The following CACNB4 variants were observed in gnomAD, a reference collection of about 807,000 sequenced individuals.
CACNB4 encodes voltage-dependent L-type calcium channel subunit beta-4.
CACNB4 carries 32 observed loss-of-function variants against 71.2 expected under a neutral mutation model. That is an observed-to-expected ratio of 0.45 (90% CI 0.34 to 0.60). The LOEUF (loss-of-function observed/expected upper bound fraction) is 0.60. Among genes scored for constraint, CACNB4 ranks in the 20% least tolerant of loss-of-function variants. The probability of loss-of-function intolerance (pLI) is 0.01; values close to 1 mark genes in which losing one functional copy is unlikely to be tolerated. For missense variants in CACNB4, 464 were observed against 647.9 expected (o/e 0.72, Z 3.08); for synonymous variants, 231 against 236.9 (o/e 0.97, Z 0.23).
At chr2:152,022,157 C>T (rs2105131866) in intron 2 of CACNB4, among the ~76,000 whole-genome samples, 1 of 152,306 alleles carries the variant, frequency 6.6e-6, no homozygotes, top group Non-Finnish European at 1.5e-5. Context: ...ACTTGCATCT[C>T]TCCCCTTCAA....
rs145139166 is a variant in CACNB4 at position 151,999,015 on chromosome 2, T to C, written c.147+99315A>G. Among the ~76,000 whole-genome samples, 693 of 152,340 alleles carry C rather than the reference T, an allele frequency of 4.5e-3. 8 individuals are homozygous for C. Among genetic ancestry groups the C allele is most frequent in the African/African-American group, 0.016 (666 of 41,562 alleles). ...AATGTAGGGACTCACACCCCGGGGC[T>C]GAGCCTGAATTTTATTTGGAGAACA... On this transcript the variant is annotated intron_variant, in intron 2 of 13. Transcript: ENST00000539935.
At chr2:151,920,318 CTTTTTTTT>C (rs10574154) in intron 2 of CACNB4, among the ~76,000 whole-genome samples, 18 of 66,092 alleles carry the variant, frequency 2.7e-4, no homozygotes, top group Non-Finnish European at 4.6e-4. Flanking sequence ...TCTTCTTCTT[CTTTTTTTT>C]TTTTTTTTTT....
At chr2:152,054,829 G>A (rs1257672476) in intron 2 of CACNB4, among the ~76,000 whole-genome samples, 1 of 152,036 alleles carries the variant, frequency 6.6e-6, no homozygotes, top group African/African-American at 2.4e-5. Context: ...CTAATGATAC[G>A]GAGCACTTTT....
chr2:151,938,894 G>C (rs548707750), intron 2 of CACNB4, among the ~76,000 whole-genome samples: 1 of 152,336 alleles, frequency 6.6e-6, no homozygotes, highest in African/African-American at 2.4e-5. Context: ...CTGTTGAAAG[G>C]AGAGATGGAT....
intron 2 of CACNB4, among the ~76,000 whole-genome samples, chr2:152,054,516 C>T (rs986531411): frequency 3.3e-5 from 5 of 151,988 alleles, no homozygotes; most frequent in African/African-American, 1.2e-4. Context: ...TTGTCTATTA[C>T]GAATAATGCT....
chr2:151,928,057 A>G lies in CACNB4; in HGVS notation c.148-44687T>C, dbSNP rs969787332. Among the ~76,000 whole-genome samples, 13 of 152,352 alleles carry G rather than the reference A, an allele frequency of 8.5e-5. No homozygotes were observed. In the East Asian group the frequency reaches 2.5e-3, roughly 29 times the overall value. ...AGCAGAACCAGCAGCAGACTTGGCC[A>G]TGTGAAGGGCTGCACATCAGAGAGA... On this transcript the variant is annotated intron_variant, in intron 2 of 13. Coordinates refer to ENST00000539935, the MANE Select transcript of CACNB4 (RefSeq NM_000726.5).
chr2:151,946,972 C>T (rs1455473333), intron 2 of CACNB4, among the ~76,000 whole-genome samples: 1 of 152,148 alleles, frequency 6.6e-6, no homozygotes, highest in Non-Finnish European at 1.5e-5. Context: ...TGCCATAAAT[C>T]CTGGTGTGAC....
chr2:151,894,820 T>C (rs2099851602), intron 2 of CACNB4, among the ~76,000 whole-genome samples: 1 of 151,630 alleles, frequency 6.6e-6, no homozygotes, highest in African/African-American at 2.4e-5. Context: ...AGTTACAAGA[T>C]AATAATAATA....
chr2:151,838,276 C>A lies in CACNB4; in HGVS notation c.*843G>T, dbSNP rs956263679. 6.6e-6 allele frequency: 1 copy of A among 152,580 alleles called. No homozygotes were observed. Among genetic ancestry groups the A allele is most frequent in the East Asian group, 1.9e-4 (1 of 5,204 alleles). 9.5% of individuals were successfully genotyped at this position (152,580 alleles called of 1,614,324 possible). On this transcript the variant is annotated 3_prime_UTR_variant, in exon 14 of 14. Coordinates refer to ENST00000539935, the MANE Select transcript of CACNB4 (RefSeq NM_000726.5). ...ACACCCCATTTTATATTTCACATAA[C>A]CAGCTATGCTTGGGCCTCTCTTTAC...
At position 152,099,039 on chromosome 2, in the gene CACNB4, G is replaced by T. The variant is rs1186250887; in HGVS notation, c.-28C>A. The T allele has an allele frequency of 1.3e-6, 2 of 1,495,932 alleles. No homozygotes were observed. The highest frequency in any genetic ancestry group is 2.4e-5 in the Admixed American group (1 of 40,838). 92.7% of individuals were successfully genotyped at this position (1,495,932 alleles called of 1,614,324 possible). On this transcript the variant is annotated 5_prime_UTR_variant, in exon 1 of 14. Coordinates refer to ENST00000539935, the MANE Select transcript of CACNB4 (RefSeq NM_000726.5). ...TTCAGAGCCGCCGCATGGCCAGCCCGTGTGCGGTGGGCGGAGGGGGCTGGC... is the reference window on the plus strand; with the variant it reads ...TTCAGAGCCGCCGCATGGCCAGCCCTTGTGCGGTGGGCGGAGGGGGCTGGC...
intron 2 of CACNB4, among the ~76,000 whole-genome samples, chr2:151,916,985 A>G (rs894102797): frequency 6.6e-5 from 10 of 152,240 alleles, no homozygotes; most frequent in Admixed American, 5.2e-4. Flanking sequence ...GTATAAAACC[A>G]CTAGGTCTCC....
intron 12 of CACNB4, among the ~76,000 whole-genome samples, chr2:151,842,483 A>T (rs2099836479): frequency 6.6e-6 from 1 of 151,890 alleles, no homozygotes; most frequent in Non-Finnish European, 1.5e-5. Context: ...GGCGCCTGCC[A>T]CTGCGTCCAG....
intron 2 of CACNB4, among the ~76,000 whole-genome samples, chr2:152,002,265 A>G (rs1682468899): frequency 6.6e-6 from 1 of 150,780 alleles, no homozygotes; most frequent in Admixed American, 6.6e-5. Context: ...CTTACTTGAA[A>G]CACACACACA....
chr2:152,089,686 C>G (rs543717150), intron 2 of CACNB4, among the ~76,000 whole-genome samples: 2 of 151,932 alleles, frequency 1.3e-5, no homozygotes, highest in East Asian at 1.9e-4. Context: ...AATCCCAACA[C>G]TTTGGGAGGC....
At chr2:152,045,856 G>GA in intron 2 of CACNB4, among the ~76,000 whole-genome samples, 1 of 152,094 alleles carries the variant, frequency 6.6e-6, no homozygotes, top group East Asian at 1.9e-4. Flanking sequence ...CAATGAAAAG[G>GA]AAAAAAACAC....
chr2:151,950,725 A>G (rs566934849), intron 2 of CACNB4, among the ~76,000 whole-genome samples: 154 of 152,370 alleles, frequency 1.0e-3, no homozygotes, highest in African/African-American at 3.6e-3. Context: ...CACATATTGT[A>G]TGATTTCATT....
chr2:151,917,407 G>T (rs1219197865), intron 2 of CACNB4, among the ~76,000 whole-genome samples: 1 of 152,282 alleles, frequency 6.6e-6, no homozygotes, highest in East Asian at 1.9e-4. Flanking sequence ...AGACATGTGG[G>T]TTAATAAAGC....
At chr2:151,940,958 T>C (rs969567505) in intron 2 of CACNB4, among the ~76,000 whole-genome samples, 1 of 152,222 alleles carries the variant, frequency 6.6e-6, no homozygotes, top group Non-Finnish European at 1.5e-5. Flanking sequence ...TAAATGGGAA[T>C]GTACCTTCTA....
intron 2 of CACNB4, among the ~76,000 whole-genome samples, chr2:152,043,750 C>T (rs1302868273): frequency 1.3e-5 from 2 of 152,154 alleles, no homozygotes; most frequent in Admixed American, 6.5e-5. Context: ...CTCAAATTCA[C>T]TTATTTCTTT....
Sources: allele counts gnomAD v4.1 joint callset (sites outside exome capture counted in the v4.1 genomes callset), GRCh38; gene constraint gnomAD v4.1.1; transcripts MANE v1.5; gene names NCBI Gene and HGNC (gene_info 2026-07-23, HGNC 2026-07-21).